Variants in SLC37A2 observed in about 807,000 individuals in gnomAD.
SLC37A2 encodes solute carrier family 37 member 2, also known as glucose-6-phosphate exchanger SLC37A2.
SLC37A2 carries 59 observed loss-of-function variants against 70.7 expected under a neutral mutation model. That is an observed-to-expected ratio of 0.83 (90% confidence interval 0.68 to 1.04). The LOEUF is 1.04. SLC37A2 is among the 50% of genes least tolerant of loss of function. The pLI is 0.00. For missense variants in SLC37A2, 580 were observed against 658.1 expected (o/e 0.88, Z 1.30); for synonymous variants, 257 against 262.1 (o/e 0.98, Z 0.19).
At chr11:125,072,242 G>A (rs562035690) in intron 1 of SLC37A2, among the ~76,000 whole-genome samples, 2 of 152,318 alleles carry the variant, frequency 1.3e-5, no homozygotes, top group African/African-American at 4.8e-5. Flanking sequence ...CTAGTGCAAA[G>A]TCTCAACAAG....
intron 1 of SLC37A2, among the ~76,000 whole-genome samples, chr11:125,074,258 T>C (rs981005992): frequency 6.6e-6 from 1 of 151,954 alleles, no homozygotes; most frequent in Non-Finnish European, 1.5e-5. Flanking sequence ...TGCTCCCTCC[T>C]GCTGGCTCGG....
chr11:125,085,879 G>C (rs34947287), intron 16 of SLC37A2, 75 bp from the exon 17 acceptor site: 5 of 1,429,320 alleles, frequency 3.5e-6, no homozygotes, highest in East Asian at 4.6e-5. Flanking sequence ...CAGTCCACGG[G>C]TCACCCTGGT....
chr11:125,067,689 T>G (rs972134028), intron 1 of SLC37A2, among the ~76,000 whole-genome samples: 1 of 152,208 alleles, frequency 6.6e-6, no homozygotes, highest in Non-Finnish European at 1.5e-5. Context: ...TTTTGCCAAC[T>G]TTGGCAAAAT....
At position 125,080,484 on chromosome 11, in the gene SLC37A2, G is replaced by A; in HGVS notation, c.528-130G>A. On this transcript the variant is annotated intron_variant, in intron 6 of 17. Transcript: ENST00000403796. This position sits in a 1 kb window ranked among gnomAD's most constrained non-coding sequence, Gnocchi z 4.3. The stretch of plus-strand genomic sequence containing the variant: ...CCACTCCTTGCTGACTTGGGGCTTT[G>A]GGGCTGTCTTTGGTGCCTCGGGGAA... 1 of 823,414 alleles carries A rather than the reference G, an allele frequency of 1.2e-6. No individual in the cohort carries two copies. The highest frequency in any genetic ancestry group is 1.8e-5 in the African/African-American group (1 of 56,362). 51.0% of individuals were successfully genotyped at this position (823,414 alleles called of 1,614,324 possible).
At chr11:125,077,109 G>A in intron 2 of SLC37A2, 121 bp from the exon 3 acceptor site, 1 of 829,954 alleles carries the variant, frequency 1.2e-6, no homozygotes, top group South Asian at 1.7e-5. Flanking sequence ...TGCAGGAGGA[G>A]GTGCCAGTAG....
chr11:125,082,348 A>T lies in SLC37A2; in HGVS notation c.976+14A>T. 1 of 1,610,808 alleles carries T rather than the reference A, an allele frequency of 6.2e-7. No individual in the cohort carries two copies. Among genetic ancestry groups the T allele is most frequent in the Non-Finnish European group, 8.5e-7 (1 of 1,177,216 alleles). On this transcript the variant is annotated intron_variant, in intron 10 of 17. Transcript: ENST00000403796. ...TCGCCAATGTGGGTAAGTCCAAGAGAAGGGGAATGAAGGGGTCTCTGAGGA... is the reference window on the plus strand; with the variant it reads ...TCGCCAATGTGGGTAAGTCCAAGAGTAGGGGAATGAAGGGGTCTCTGAGGA...
intron 14 of SLC37A2, 120 bp downstream of exon 14, chr11:125,085,259 C>T: frequency 7.8e-7 from 1 of 1,277,848 alleles, no homozygotes; most frequent in African/African-American, 1.5e-5. Context: ...CAAAGTCCTT[C>T]AGAACGCACC....
rs1438152133 is a variant in SLC37A2, at chr11:125,087,821, A to G, written c.1491-298A>G. 9 of 266,040 alleles carry G rather than the reference A, an allele frequency of 3.4e-5. 1 individual carries two copies. Among genetic ancestry groups the G allele is most frequent in the African/African-American group, 1.3e-4 (6 of 44,700 alleles). The allele number at this position is 266,040 out of a possible 1,614,324, so 16.5% of individuals were successfully genotyped here. A position where few individuals can be genotyped will look rare whatever the true frequency, so the allele number is the denominator to read the frequency against. On this transcript the variant is annotated intron_variant, in intron 17 of 17. Coordinates refer to ENST00000403796, the MANE Select transcript of SLC37A2 (RefSeq NM_001145290.2). ...CTAATTTTGTATTTTTAGTAGAGAC[A>G]GGGTTTCTCCATGTTGGTCAGGCTG...
In SLC37A2 at chr11:125,080,490, G is replaced by C. The variant is rs1949134332; in HGVS notation, c.528-124G>C. ...CTTGCTGACTTGGGGCTTTGGGGCTGTCTTTGGTGCCTCGGGGAAGCTGTA... is the reference window on the plus strand; with the variant it reads ...CTTGCTGACTTGGGGCTTTGGGGCTCTCTTTGGTGCCTCGGGGAAGCTGTA... On this transcript the variant is annotated intron_variant, in intron 6 of 17. Transcript: ENST00000403796. This position sits in a 1 kb window ranked among gnomAD's most constrained non-coding sequence, Gnocchi z 4.3. The C allele has an allele frequency of 1.1e-6, 1 of 928,154 alleles. No individual in the cohort carries two copies. The highest frequency in any genetic ancestry group is 1.7e-5 in the African/African-American group (1 of 58,386). 57.5% of individuals were successfully genotyped at this position (928,154 alleles called of 1,614,324 possible).
At chr11:125,072,333 C>T (rs1000171968) in intron 1 of SLC37A2, among the ~76,000 whole-genome samples, 1 of 152,140 alleles carries the variant, frequency 6.6e-6, no homozygotes, top group Non-Finnish European at 1.5e-5. Flanking sequence ...TAGTCAACCT[C>T]CCTATCTAAC....
chr11:125,077,740 C>A (rs1240816218), intron 4 of SLC37A2, among the ~76,000 whole-genome samples: 1 of 152,212 alleles, frequency 6.6e-6, no homozygotes, highest in African/African-American at 2.4e-5. Flanking sequence ...TGGAAATGTT[C>A]TCCTGGATGC....
In SLC37A2 at chr11:125,085,447, C is replaced by T. The variant is rs754003737; in HGVS notation, c.1301C>T (p.Ala434Val). Reference sequence around the variant, plus strand: ...GCCAAAGCCCTGTCCACGGTCACGGCCATCATTGACGGCACCGGCTCCATA... The same window carrying T: ...GCCAAAGCCCTGTCCACGGTCACGGTCATCATTGACGGCACCGGCTCCATA... Reference protein sequence around the residue: ...GNAKALSTVTAIIDGTGSIGA... With the variant: ...GNAKALSTVTVIIDGTGSIGA... The change falls in exon 15 of 18, where the codon GCC (alanine) becomes GTC (valine). Residue 434 changes from alanine to valine, a missense_variant. Physicochemically the swap from Ala to Val is moderately conservative, Grantham distance 64. Transcript: ENST00000403796. The T allele has an allele frequency of 6.3e-5, 102 of 1,613,904 alleles. No homozygotes were observed. Among genetic ancestry groups the T allele is most frequent in the Non-Finnish European group, 7.6e-5 (90 of 1,179,992 alleles).
intron 1 of SLC37A2, among the ~76,000 whole-genome samples, chr11:125,073,058 C>G (rs907321238): frequency 1.3e-5 from 2 of 152,180 alleles, no homozygotes; most frequent in Admixed American, 1.3e-4. Context: ...TCATGGGGGA[C>G]TCCAGGTGGT....
In SLC37A2 at chr11:125,073,846, G is replaced by A. The variant is rs140434868; in HGVS notation, c.60-2911G>A. Among the ~76,000 whole-genome samples, 678 of 152,318 alleles carry A rather than the reference G, an allele frequency of 4.5e-3. 2 individuals carry two copies. Among genetic ancestry groups the A allele is most frequent in the Middle Eastern group, 0.01 (3 of 294 alleles). On this transcript the variant is annotated intron_variant, in intron 1 of 17. Transcript: ENST00000403796. ...AGCCTCAGTGAGGAAGCCTGTCTGCGCTTCCCACCAAAACCTACAGGGCAC... is the reference window on the plus strand; with the variant it reads ...AGCCTCAGTGAGGAAGCCTGTCTGCACTTCCCACCAAAACCTACAGGGCAC...
chr11:125,087,365 A>C (rs922768523), intron 17 of SLC37A2: 7 of 152,406 alleles, frequency 4.6e-5, no homozygotes, highest in Admixed American at 4.6e-4. Flanking sequence ...TGAGGTGTGC[A>C]GTGATTTATC....
At position 125,078,336 on chromosome 11, in the gene SLC37A2, C is replaced by T. The variant is rs145953470; in HGVS notation, c.315-776C>T. On this transcript the variant is annotated intron_variant, in intron 4 of 17. Coordinates refer to ENST00000403796, the MANE Select transcript of SLC37A2 (RefSeq NM_001145290.2). ...ACGCATGGAAGGGTTTTCGCCAGGG[C>T]GTCCCATCCAGATGAGCATTTCTGA... Among the ~76,000 whole-genome samples the T allele has an allele frequency of 5.1e-3, 777 of 152,310 alleles. 6 individuals carry two copies. The highest frequency in any genetic ancestry group is 0.017 in the African/African-American group (724 of 41,562).
At chr11:125,079,881 G>GT in intron 6 of SLC37A2, 121 bp downstream of exon 6, 3 of 755,022 alleles carry the variant, frequency 4.0e-6, no homozygotes, top group Non-Finnish European at 6.9e-6. Flanking sequence ...CCACGTTGCT[G>GT]TTCACGTGCT....
Position 125,089,916 on chromosome 11 carries a change from G to A in SLC37A2, c.*1782G>A. The A allele has an allele frequency of 1.3e-5, 2 of 155,994 alleles. No homozygotes were observed. Among genetic ancestry groups the A allele is most frequent in the Non-Finnish European group, 2.8e-5 (2 of 70,286 alleles). The allele number at this position is 155,994 out of a possible 1,614,324, so 9.7% of individuals were successfully genotyped here. A position where few individuals can be genotyped will look rare whatever the true frequency, so the allele number is the denominator to read the frequency against. On this transcript the variant is annotated 3_prime_UTR_variant, in exon 18 of 18. Transcript: ENST00000403796. Reference sequence around the variant, plus strand: ...GCGGGACTGGCAGGCAGCTCCACCTGCAGCCCCGGTGCGGGATCCACTAGG... The same window carrying A: ...GCGGGACTGGCAGGCAGCTCCACCTACAGCCCCGGTGCGGGATCCACTAGG...
In SLC37A2 at chr11:125,085,379, C is replaced by T. The variant is rs1949197922; in HGVS notation, c.1249-16C>T. The T allele has an allele frequency of 6.2e-7, 1 of 1,612,274 alleles. No homozygotes were observed. On this transcript the variant is annotated splice_polypyrimidine_tract_variant and intron_variant, in intron 14 of 17. Transcript: ENST00000403796. ...GCTGCTCAGCTGGGCTTCCCCACTC[C>T]ACTGTCTCTCTCCAGGGGACTCACA...
Sources: allele counts gnomAD v4.1 joint callset (sites outside exome capture counted in the v4.1 genomes callset), GRCh38; gene constraint gnomAD v4.1.1; non-coding constraint Gnocchi (gnomAD v3.1); transcripts MANE v1.5; gene names NCBI Gene and HGNC (gene_info 2026-07-23, HGNC 2026-07-21).